Variants in ZNF804B observed in about 807,000 individuals in gnomAD.
The protein encoded by ZNF804B is zinc finger protein 804B, also known as zinc finger 804B.
ZNF804B carries 80 observed loss-of-function variants against 101.4 expected under a neutral mutation model. The observed-to-expected ratio is 0.79, with a 90% CI of 0.66 to 0.95. The LOEUF is 0.95. Ranked by LOEUF, ZNF804B falls within the 40% of genes least tolerant of loss-of-function variation. ZNF804B has a pLI of 0.00. For synonymous variants in ZNF804B, 622 were observed against 558.8 expected, an observed-to-expected ratio of 1.11 and a Z score of -1.59; for missense variants, 1,673 against 1,561.9, an observed-to-expected ratio of 1.07 and a Z score of -1.20.
At chr7:88,838,930 A>G (rs1307206268) in intron 1 of ZNF804B, among the ~76,000 whole-genome samples, 1 of 152,036 alleles carries the variant, frequency 6.6e-6, no homozygotes, top group African/African-American at 2.4e-5. Context: ...AAAGTCTTTT[A>G]AGTAGAATGA....
intron 3 of ZNF804B, among the ~76,000 whole-genome samples, chr7:89,330,531 TA>T (rs1179337091): frequency 6.6e-6 from 1 of 151,658 alleles, no homozygotes; most frequent in African/African-American, 2.4e-5. Context: ...TTAATAATGT[TA>T]TAATACCCAA....
intron 1 of ZNF804B, among the ~76,000 whole-genome samples, chr7:89,196,204 G>A (rs999886188): frequency 1.3e-5 from 2 of 152,058 alleles, no homozygotes; most frequent in South Asian, 2.1e-4. Context: ...TATTAAAACA[G>A]ACCCATAGGC....
chr7:88,845,265 ATGCGCATGTG>A (rs1791351229), intron 1 of ZNF804B, among the ~76,000 whole-genome samples: 2 of 150,672 alleles, frequency 1.3e-5, no homozygotes, highest in East Asian at 2.0e-4. Flanking sequence ...GCACACACAT[ATGCGCATGTG>A]TGCGCACGCG....
chr7:89,131,749 T>C (rs1043218671), intron 1 of ZNF804B, among the ~76,000 whole-genome samples: 2 of 151,990 alleles, frequency 1.3e-5, no homozygotes, highest in East Asian at 3.9e-4. Flanking sequence ...ATATTCTATA[T>C]TGTGGTCAGA....
intron 1 of ZNF804B, among the ~76,000 whole-genome samples, chr7:88,975,488 A>T (rs1793604310): frequency 6.6e-6 from 1 of 151,462 alleles, no homozygotes; most frequent in African/African-American, 2.4e-5. Flanking sequence ...AACAAGGATG[A>T]GAAAGTATCT....
At chr7:89,332,505 ATTGTC>A (rs1368102316) in intron 3 of ZNF804B, among the ~76,000 whole-genome samples, 5 of 151,826 alleles carry the variant, frequency 3.3e-5, no homozygotes, top group Non-Finnish European at 7.4e-5. Flanking sequence ...TGTGATTTGT[ATTGTC>A]TTCTTTCCAG....
intron 1 of ZNF804B, among the ~76,000 whole-genome samples, chr7:88,887,653 C>T (rs1792148480): frequency 6.6e-6 from 1 of 151,900 alleles, no homozygotes; most frequent in Non-Finnish European, 1.5e-5. Flanking sequence ...ATAATGAGCC[C>T]TTTCCATATA....
intron 2 of ZNF804B, among the ~76,000 whole-genome samples, chr7:89,319,805 A>G (rs925300562): frequency 2.0e-5 from 3 of 152,202 alleles, no homozygotes; most frequent in Admixed American, 6.5e-5. Context: ...CTGATCTTAA[A>G]TAAAGCAACA....
Position 89,213,348 on chromosome 7 carries a change from A to G in ZNF804B, c.109-4807A>G, listed in dbSNP as rs183882874. The stretch of plus-strand genomic sequence containing the variant: ...AGAGAATATTAGAATTCTTAAAGCA[A>G]TCTCTTACACATAACAGTGAAGGGT... On this transcript the variant is annotated intron_variant, in intron 1 of 3. Coordinates refer to ENST00000333190, the MANE Select transcript of ZNF804B (RefSeq NM_181646.5). Among the ~76,000 whole-genome samples, 6 of 152,334 alleles carry G rather than the reference A, an allele frequency of 3.9e-5. No homozygotes were observed. The East Asian group carries it at 7.7e-4, about 20-fold the overall frequency.
intron 1 of ZNF804B, among the ~76,000 whole-genome samples, chr7:88,917,213 C>T (rs554097074): frequency 4.6e-5 from 7 of 151,816 alleles, no homozygotes; most frequent in South Asian, 2.1e-4. Flanking sequence ...TGCAGTGAGC[C>T]GAGATCGCAC....
At chr7:88,826,495 C>T (rs1463683357) in intron 1 of ZNF804B, among the ~76,000 whole-genome samples, 4 of 152,080 alleles carry the variant, frequency 2.6e-5, no homozygotes, top group East Asian at 3.9e-4. Context: ...TAGGCACAAT[C>T]GAAAACCTAA....
chr7:89,131,836 G>A (rs576679324), intron 1 of ZNF804B, among the ~76,000 whole-genome samples: 1 of 152,050 alleles, frequency 6.6e-6, no homozygotes, highest in East Asian at 1.9e-4. Flanking sequence ...GAGTTTGAGG[G>A]TTCTGGAGAC....
intron 1 of ZNF804B, among the ~76,000 whole-genome samples, chr7:89,199,727 C>T (rs1788602987): frequency 6.6e-6 from 1 of 151,702 alleles, no homozygotes; most frequent in Non-Finnish European, 1.5e-5. Flanking sequence ...CTCAGATGTT[C>T]CTAGATATTA....
chr7:88,849,831 T>TA (rs1365251772), intron 1 of ZNF804B, among the ~76,000 whole-genome samples: 2 of 151,920 alleles, frequency 1.3e-5, no homozygotes, highest in South Asian at 2.1e-4. Flanking sequence ...AAGGTTATTT[T>TA]AAAAAAATAT....
chr7:89,258,604 C>G (rs1172746565), intron 2 of ZNF804B, among the ~76,000 whole-genome samples: 1 of 151,980 alleles, frequency 6.6e-6, no homozygotes, highest in Admixed American at 6.6e-5. Flanking sequence ...TTAGGGAAAC[C>G]AACCTCTCTT....
At position 88,866,611 on chromosome 7, in the gene ZNF804B, CT is replaced by C. The variant is rs149172732; in HGVS notation, c.108+106532del. On this transcript the variant is annotated intron_variant, in intron 1 of 3. Coordinates refer to ENST00000333190, the MANE Select transcript of ZNF804B (RefSeq NM_181646.5). ...CCCTGACTTGTGACCTGACATGAAG[CT>C]TTTTGAACTTTTCCGCCCAGGTCTG... Among the ~76,000 whole-genome samples, 805 of 152,262 alleles carry C rather than the reference CT, an allele frequency of 5.3e-3. 10 individuals carry two copies. The highest frequency in any genetic ancestry group is 0.019 in the African/African-American group (770 of 41,544).
At chr7:89,287,918 T>G (rs981439974) in intron 2 of ZNF804B, among the ~76,000 whole-genome samples, 1 of 121,532 alleles carries the variant, frequency 8.2e-6, no homozygotes, top group African/African-American at 3.4e-5. Context: ...TTTCAGATAA[T>G]TTAATAGATT....
chr7:88,896,027 G>T (rs1240805344), intron 1 of ZNF804B, among the ~76,000 whole-genome samples: 1 of 152,082 alleles, frequency 6.6e-6, no homozygotes, highest in African/African-American at 2.4e-5. Flanking sequence ...TAGAGTAATG[G>T]ACTGGGGGAG....
intron 1 of ZNF804B, among the ~76,000 whole-genome samples, chr7:89,171,356 T>TTCTTCTTCTTCTTCC (rs1282426438): frequency 8.5e-4 from 84 of 99,252 alleles, no homozygotes; most frequent in Non-Finnish European, 1.3e-3. Context: ...CTTCTTCTTC[T>TTCTTCTTCTTCTTCC]TCCTCCTCTT....
Sources: gnomAD v4.1 joint callset for allele counts (sites outside exome capture counted in the v4.1 genomes callset) on GRCh38, gnomAD v4.1.1 for gene constraint, MANE v1.5 for transcripts, NCBI Gene and HGNC (gene_info 2026-07-23, HGNC 2026-07-21) for gene names.